Variants in MDGA2 observed in about 807,000 individuals in gnomAD.
MDGA2 encodes MAM domain containing glycosylphosphatidylinositol anchor 2.
MDGA2 carries 40 observed loss-of-function variants against 117.8 expected under a neutral mutation model. That is an observed-to-expected ratio of 0.34 (90% confidence interval 0.26 to 0.44). The LOEUF (loss-of-function observed/expected upper bound fraction) is 0.44, where lower values mean the gene tolerates loss of function less well. MDGA2 is among the 20% of genes least tolerant of loss of function. MDGA2 has a pLI of 1.00. For missense variants in MDGA2, 1,123 were observed against 1,250.6 expected, an observed-to-expected ratio of 0.90 and a Z score of 1.54; for synonymous variants, 452 against 439.0, an observed-to-expected ratio of 1.03 and a Z score of -0.37.
chr14:47,289,304 TACAC>T (rs3039467), intron 2 of MDGA2, among the ~76,000 whole-genome samples: 33,446 of 140,480 alleles, frequency 0.24, 4,341 homozygotes, highest in Middle Eastern at 0.31. Flanking sequence ...TTTCTGGACT[TACAC>T]ACACACACAC....
At chr14:47,317,995 G>A (rs747859382) in intron 1 of MDGA2, among the ~76,000 whole-genome samples, 102 of 152,072 alleles carry the variant, frequency 6.7e-4, no homozygotes, top group Non-Finnish European at 4.4e-4. Flanking sequence ...CAATACCATC[G>A]GAAATGTTTC....
intron 1 of MDGA2, among the ~76,000 whole-genome samples, chr14:47,521,668 T>C (rs1894870270): frequency 1.3e-5 from 2 of 152,154 alleles, no homozygotes; most frequent in Admixed American, 6.5e-5. Context: ...CATACGCATG[T>C]TTGTTTTTTA....
At chr14:47,460,837 A>G (rs558589446) in intron 1 of MDGA2, among the ~76,000 whole-genome samples, 5 of 152,298 alleles carry the variant, frequency 3.3e-5, no homozygotes, top group African/African-American at 1.2e-4. Flanking sequence ...ACACAGGCCA[A>G]TAAGTCCCAT....
chr14:47,454,196 TC>T (rs1232082154), intron 1 of MDGA2, among the ~76,000 whole-genome samples: 3 of 152,318 alleles, frequency 2.0e-5, no homozygotes, highest in Middle Eastern at 3.4e-3. Flanking sequence ...CTTCATCTCA[TC>T]CAGGGAGGTG....
intron 10 of MDGA2, among the ~76,000 whole-genome samples, chr14:46,902,162 A>G (rs1883312168): frequency 6.6e-6 from 1 of 152,116 alleles, no homozygotes; most frequent in Non-Finnish European, 1.5e-5. Context: ...ATATAAATAC[A>G]TCTATTTTTA....
chr14:47,521,723 G>C (rs1894871221), intron 1 of MDGA2, among the ~76,000 whole-genome samples: 1 of 152,150 alleles, frequency 6.6e-6, no homozygotes, highest in Admixed American at 6.5e-5. Flanking sequence ...CCAGGCTGGA[G>C]TGCAATGGCA....
At chr14:47,051,735 C>A in intron 7 of MDGA2, among the ~76,000 whole-genome samples, 1 of 151,952 alleles carries the variant, frequency 6.6e-6, no homozygotes, top group East Asian at 1.9e-4. Context: ...AGTTCTAGAG[C>A]TTTCACTACC....
chr14:47,385,530 ATTC>A (rs1891737273), intron 1 of MDGA2, among the ~76,000 whole-genome samples: 1 of 152,182 alleles, frequency 6.6e-6, no homozygotes, highest in African/African-American at 2.4e-5. Context: ...TAATATTATT[ATTC>A]AAGAGAAGAA....
intron 4 of MDGA2, among the ~76,000 whole-genome samples, chr14:47,141,496 G>A (rs1012826430): frequency 6.6e-6 from 1 of 152,140 alleles, no homozygotes; most frequent in African/African-American, 2.4e-5. Flanking sequence ...AATAATGAGT[G>A]TTTATTTTAC....
intron 6 of MDGA2, among the ~76,000 whole-genome samples, chr14:47,074,149 CAACT>C (rs915265206): frequency 7.2e-5 from 3 of 41,856 alleles, no homozygotes; most frequent in Admixed American, 1.9e-4. Context: ...AAAGCAACAA[CAACT>C]AATATAATAC....
intron 14 of MDGA2, among the ~76,000 whole-genome samples, chr14:46,866,177 C>T (rs1881750875): frequency 6.6e-6 from 1 of 152,056 alleles, no homozygotes; most frequent in Non-Finnish European, 1.5e-5. Context: ...CAGCATGGTA[C>T]TGGTACCAAA....
chr14:46,864,388 T>C (rs2138332303), intron 14 of MDGA2, among the ~76,000 whole-genome samples: 1 of 151,112 alleles, frequency 6.6e-6, no homozygotes. Flanking sequence ...TATTTTGCCT[T>C]ATTTTTATGT....
At chr14:46,926,150 G>A (rs144161617) in intron 9 of MDGA2, among the ~76,000 whole-genome samples, 1 of 152,116 alleles carries the variant, frequency 6.6e-6, no homozygotes, top group Non-Finnish European at 1.5e-5. Flanking sequence ...CAGTTATTCT[G>A]AAATGACTTT....
chr14:47,207,395 AGATT>A (rs1885724730), intron 3 of MDGA2, among the ~76,000 whole-genome samples: 1 of 151,954 alleles, frequency 6.6e-6, no homozygotes, highest in Admixed American at 6.6e-5. Context: ...AATTTAAGGA[AGATT>A]GATCTGGCAA....
intron 3 of MDGA2, among the ~76,000 whole-genome samples, chr14:47,166,138 C>T (rs559476416): frequency 5.3e-5 from 8 of 150,422 alleles, no homozygotes; most frequent in South Asian, 4.2e-4. Context: ...TAGGTTCAAA[C>T]GATTCTCCTG....
chr14:47,223,168 T>G (rs1388448153), intron 2 of MDGA2, among the ~76,000 whole-genome samples: 2 of 152,160 alleles, frequency 1.3e-5, no homozygotes, highest in Non-Finnish European at 2.9e-5. Flanking sequence ...GATCCCATGT[T>G]TAAATTACCT....
intron 2 of MDGA2, among the ~76,000 whole-genome samples, chr14:47,298,586 AT>A (rs1175408274): frequency 6.6e-6 from 1 of 151,836 alleles, no homozygotes; most frequent in African/African-American, 2.4e-5. Context: ...TGCCAACAGC[AT>A]TGCCCTTTAG....
At chr14:46,864,545 GTTTT>G (rs71112467) in intron 14 of MDGA2, among the ~76,000 whole-genome samples, 6 of 51,472 alleles carry the variant, frequency 1.2e-4, no homozygotes, top group East Asian at 1.1e-3. Context: ...AGATATTGCT[GTTTT>G]TTTTTTTTTT....
chr14:47,275,052 C>T (rs1319762037), intron 2 of MDGA2, among the ~76,000 whole-genome samples: 3 of 152,082 alleles, frequency 2.0e-5, no homozygotes, highest in African/African-American at 7.2e-5. Flanking sequence ...GCAGCACAAG[C>T]GTTTCTAATT....
Sources: gnomAD v4.1 joint callset for allele counts (sites outside exome capture counted in the v4.1 genomes callset) on GRCh38, gnomAD v4.1.1 for gene constraint, MANE v1.5 for transcripts, NCBI Gene and HGNC (gene_info 2026-07-23, HGNC 2026-07-21) for gene names.